Variants in RAB12 observed in about 807,000 individuals in gnomAD.
RAB12 encodes the protein RAB12, member RAS oncogene family.
Under a neutral mutation model 28.4 loss-of-function variants are expected in RAB12, and 11 were observed. That is an observed-to-expected ratio of 0.39 (90% CI 0.24 to 0.64). RAB12 has a LOEUF of 0.64. Ranked by LOEUF, RAB12 falls within the 30% of genes least tolerant of loss-of-function variation. The pLI is 0.50. For synonymous variants in RAB12, 138 were observed against 145.3 expected, an observed-to-expected ratio of 0.95 and a Z score of 0.36; for missense variants, 276 against 351.1, an observed-to-expected ratio of 0.79 and a Z score of 1.71.
chr18:8,619,909 C>T (rs1215024471), intron 1 of RAB12, among the ~76,000 whole-genome samples: 1 of 152,044 alleles, frequency 6.6e-6, no homozygotes, highest in Non-Finnish European at 1.5e-5. Flanking sequence ...CTTGGAGAGG[C>T]TGAGGTAGGA....
In RAB12 at chr18:8,631,207, C is replaced by T. The variant is rs537170852; in HGVS notation, c.576-1982C>T. 2.0e-5 allele frequency among the ~76,000 whole-genome samples: 3 copies of T among 152,342 alleles called. No homozygotes were observed. The East Asian group carries it at 5.8e-4, about 29-fold the overall frequency. ...GCCCGGCCTAACAAGGCTAATTCTA[C>T]AGCATTTTTCATAAGTGTGGGACTA... is the stretch of plus-strand genomic sequence containing the variant. On this transcript the variant is annotated intron_variant, in intron 2 of 5. Coordinates refer to ENST00000649141, the MANE Select transcript of RAB12 (RefSeq NM_001025300.3).
chr18:8,624,496 T>C (rs1376831837), intron 1 of RAB12, among the ~76,000 whole-genome samples: 1 of 152,246 alleles, frequency 6.6e-6, no homozygotes, highest in Non-Finnish European at 1.5e-5. Flanking sequence ...AGTACAATAA[T>C]TTCTAAATTC....
intron 2 of RAB12, among the ~76,000 whole-genome samples, chr18:8,626,536 G>A (rs1036151232): frequency 2.0e-5 from 3 of 152,144 alleles, no homozygotes; most frequent in African/African-American, 4.8e-5. Flanking sequence ...TATAAAGTAT[G>A]TCCAAATGTC....
In RAB12 at chr18:8,622,694, CGGTCTGACCCAAATTTATTA is replaced by C. The variant is rs575248382; in HGVS notation, c.515-2240_515-2221del. Among the ~76,000 whole-genome samples the C allele has an allele frequency of 3.6e-3, 544 of 152,252 alleles. 2 individuals are homozygous for C. Among genetic ancestry groups the C allele is most frequent in the African/African-American group, 0.013 (524 of 41,528 alleles). On this transcript the variant is annotated intron_variant, in intron 1 of 5. Transcript: ENST00000649141. ...CAGGAGACAGGGTTTTGAGAGCAAC[CGGTCTGACCCAAATTTATTA>C]GGTGGGAATTTCCTCTTCCTAATAA...
At chr18:8,616,741 C>T (rs1255965996) in intron 1 of RAB12, among the ~76,000 whole-genome samples, 5 of 147,724 alleles carry the variant, frequency 3.4e-5, no homozygotes, top group South Asian at 2.1e-4. Flanking sequence ...GGCTACATGG[C>T]GAAACCCCAT....
At position 8,609,506 on chromosome 18, in the gene RAB12, G is replaced by A. The variant is rs541255059; in HGVS notation, c.67G>A (p.Gly23Ser). ...CTCTCCCGGCGGCGGCGGCGGCAGCGGCGGAGGAGGAGGAGGAGGGGACCC... is the reference window on the plus strand; with the variant it reads ...CTCTCCCGGCGGCGGCGGCGGCAGCAGCGGAGGAGGAGGAGGAGGGGACCC... The part of the protein sequence containing the change: ...SSSPGGGGGS[G>S]GGGGGGDPGA... Residue 23 changes from glycine (G) to serine (S), a missense_variant, in exon 1 of 6, where the codon GGC becomes AGC. Transcript: ENST00000649141. 2,871 of 151,052 alleles carry A rather than the reference G, an allele frequency of 0.019. 45 individuals are homozygous for A. Among genetic ancestry groups the A allele is most frequent in the Non-Finnish European group, 0.029 (1,958 of 67,776 alleles). 9.4% of individuals were successfully genotyped at this position (151,052 alleles called of 1,614,324 possible).
intron 1 of RAB12, among the ~76,000 whole-genome samples, chr18:8,621,481 A>G (rs1329195457): frequency 1.3e-5 from 2 of 152,184 alleles, no homozygotes; most frequent in Non-Finnish European, 2.9e-5. Context: ...TGTTTTAAGG[A>G]ACTGGTTTTA....
intron 1 of RAB12, among the ~76,000 whole-genome samples, chr18:8,618,334 A>G (rs1178902363): frequency 1.3e-5 from 2 of 152,152 alleles, no homozygotes; most frequent in Non-Finnish European, 2.9e-5. Flanking sequence ...GACGCATAGT[A>G]ACATTAGGAT....
rs2096020801 is a variant in RAB12 at position 8,639,144 on chromosome 18, GTTCTTTTTTTTTTTTTTTTT to G, written c.*885_*904del. On this transcript the variant is annotated 3_prime_UTR_variant, in exon 6 of 6. Coordinates refer to ENST00000649141, the MANE Select transcript of RAB12 (RefSeq NM_001025300.3). ...CTTATTCTGATTAAGCCTAGACTGT[GTTCTTTTTTTTTTTTTTTTT>G]TTTTTTTTTTTTTTTTTTTTTTTTT... The G allele has an allele frequency of 1.2e-4, 2 of 16,558 alleles. No homozygotes were observed. The highest frequency in any genetic ancestry group is 2.3e-3 in the East Asian group (1 of 426). The allele number at this position is 16,558 out of a possible 1,614,324, so 1.0% of individuals were successfully genotyped here. A position where few individuals can be genotyped will look rare whatever the true frequency, so the allele number is the denominator to read the frequency against.
rs1385396739 is a variant in RAB12, at chr18:8,639,175, T to TTTTTTTTTTTTTTTTTTG, written c.*914_*931dup. The TTTTTTTTTTTTTTTTTTG allele has an allele frequency of 1.5e-5, 2 of 131,162 alleles. No individual in the cohort carries two copies. Among genetic ancestry groups the TTTTTTTTTTTTTTTTTTG allele is most frequent in the Non-Finnish European group, 3.2e-5 (2 of 62,710 alleles). 8.1% of individuals were successfully genotyped at this position (131,162 alleles called of 1,614,324 possible). On this transcript the variant is annotated 3_prime_UTR_variant, in exon 6 of 6. Coordinates refer to ENST00000649141, the MANE Select transcript of RAB12 (RefSeq NM_001025300.3). ...TTTTTTTTTTTTTTTTTTTTTTTTT[T>TTTTTTTTTTTTTTTTTTG]TTTTTTTTTTTTTTTTTGGTCTGAT...
intron 1 of RAB12, among the ~76,000 whole-genome samples, chr18:8,617,584 A>C (rs1250161): frequency 6.6e-6 from 1 of 151,960 alleles, no homozygotes; most frequent in Non-Finnish European, 1.5e-5. Flanking sequence ...TGGTGCAGGG[A>C]TGGAGTCTGT....
chr18:8,610,175 C>G, intron 1 of RAB12: 1 of 452,614 alleles, frequency 2.2e-6, no homozygotes, highest in Non-Finnish European at 4.0e-6. Context: ...GGCCCCCGGC[C>G]CTGCCTCAGA....
intron 4 of RAB12, chr18:8,636,039 C>T (rs1032208698): frequency 1.7e-5 from 9 of 532,538 alleles, no homozygotes; most frequent in African/African-American, 3.9e-5. Flanking sequence ...TGGAAGGTCC[C>T]GGCATCACCT....
intron 1 of RAB12, among the ~76,000 whole-genome samples, chr18:8,611,951 A>G (rs920822256): frequency 2.6e-5 from 4 of 152,236 alleles, no homozygotes; most frequent in Non-Finnish European, 4.4e-5. Context: ...GAGAATGATC[A>G]TGGCCCCTGG....
At chr18:8,611,021 A>T (rs923398002) in intron 1 of RAB12, among the ~76,000 whole-genome samples, 2 of 152,250 alleles carry the variant, frequency 1.3e-5, no homozygotes, top group Non-Finnish European at 2.9e-5. Context: ...AAAGTGTCTT[A>T]TTGGAAAGTG....
chr18:8,610,144 C>T (rs889684857), intron 1 of RAB12, 191 bp downstream of exon 1: 2 of 511,386 alleles, frequency 3.9e-6, no homozygotes, highest in East Asian at 3.6e-5. Flanking sequence ...TTTCGTGCCG[C>T]CTCCGGGCAG....
rs76182132 is a variant in RAB12 at position 8,610,036 on chromosome 18, G to C, written c.514+83G>C. 6,659 of 1,059,376 alleles carry C rather than the reference G, an allele frequency of 6.3e-3. 232 individuals carry two copies. The African/African-American group carries it at 0.092, about 15-fold the overall frequency. 65.6% of individuals were successfully genotyped at this position (1,059,376 alleles called of 1,614,324 possible). The stretch of plus-strand genomic sequence containing the variant: ...CGCCCCGTGGGCTTCGAGTCTCATC[G>C]AGCCTGGGAGTCTTTCGGGGATGGG... On this transcript the variant is annotated intron_variant, in intron 1 of 5. Transcript: ENST00000649141.
At chr18:8,628,883 T>C (rs1222973246) in intron 2 of RAB12, among the ~76,000 whole-genome samples, 1 of 152,220 alleles carries the variant, frequency 6.6e-6, no homozygotes, top group Non-Finnish European at 1.5e-5. Context: ...TGGAAGTGCA[T>C]GTGAGTTGAC....
chr18:8,627,479 C>T (rs1368541513), intron 2 of RAB12, among the ~76,000 whole-genome samples: 1 of 152,134 alleles, frequency 6.6e-6, no homozygotes, highest in African/African-American at 2.4e-5. Context: ...ATGTCATTGC[C>T]ACATATTTCA....
Sources: gnomAD v4.1 joint callset for allele counts (sites outside exome capture counted in the v4.1 genomes callset) on GRCh38, gnomAD v4.1.1 for gene constraint, MANE v1.5 for transcripts, NCBI Gene and HGNC (gene_info 2026-07-23, HGNC 2026-07-21) for gene names.